Variants in XXYLT1 observed in about 807,000 individuals in gnomAD.
The protein encoded by XXYLT1 is xyloside xylosyltransferase 1, also known as UDP-xylose:alpha-xyloside alpha-1,3-xylosyltransferase.
Under a neutral mutation model 28.9 loss-of-function variants are expected in XXYLT1, and 20 were observed. The ratio of observed to expected loss-of-function variants is 0.69; its 90% CI spans 0.49 to 1.00. The LOEUF (loss-of-function observed/expected upper bound fraction) is 1.00, where lower values mean the gene tolerates loss of function less well. Among genes scored for constraint, XXYLT1 ranks in the 50% least tolerant of loss-of-function variants. The pLI is 0.00. For synonymous variants in XXYLT1, 257 were observed against 253.8 expected, an observed-to-expected ratio of 1.01 and a Z score of -0.12; for missense variants, 542 against 560.1, an observed-to-expected ratio of 0.97 and a Z score of 0.33.
intron 3 of XXYLT1, among the ~76,000 whole-genome samples, chr3:195,155,068 A>G (rs1020221465): frequency 7.9e-5 from 12 of 152,212 alleles, no homozygotes; most frequent in African/African-American, 2.9e-4. Context: ...AGGCCTACCC[A>G]GTGACTCTGG....
intron 3 of XXYLT1, among the ~76,000 whole-genome samples, chr3:195,119,387 G>A (rs946945747): frequency 2.0e-5 from 3 of 151,950 alleles, no homozygotes; most frequent in African/African-American, 7.3e-5. Context: ...TTAGATTGCT[G>A]TATAAATATG....
chr3:195,219,173 T>C (rs111377606), intron 2 of XXYLT1, among the ~76,000 whole-genome samples: 3 of 88,692 alleles, frequency 3.4e-5, no homozygotes, highest in Non-Finnish European at 7.1e-5. Context: ...TGTGGGGTGG[T>C]GGGAGGGGGG....
chr3:195,253,830 T>C, intron 1 of XXYLT1, among the ~76,000 whole-genome samples: 1 of 152,166 alleles, frequency 6.6e-6, no homozygotes, highest in Non-Finnish European at 1.5e-5. Flanking sequence ...CGAAAGCCAC[T>C]CAGTCACTCA....
intron 2 of XXYLT1, among the ~76,000 whole-genome samples, chr3:195,201,776 T>C (rs1172381234): frequency 6.6e-6 from 1 of 152,180 alleles, no homozygotes; most frequent in African/African-American, 2.4e-5. Context: ...ACCTGAGGCC[T>C]AGAAGGTCCC....
chr3:195,217,066 T>C (rs1009883002), intron 2 of XXYLT1, among the ~76,000 whole-genome samples: 25 of 136,402 alleles, frequency 1.8e-4, no homozygotes, highest in Non-Finnish European at 3.0e-4. Context: ...AAAAACCACA[T>C]GATTATCTCA....
At chr3:195,242,827 A>G (rs1287409956) in intron 1 of XXYLT1, among the ~76,000 whole-genome samples, 2 of 152,210 alleles carry the variant, frequency 1.3e-5, no homozygotes, top group Non-Finnish European at 2.9e-5. Flanking sequence ...TGCTACACCC[A>G]GTGACAAGAA....
At chr3:195,200,750 G>A (rs1022967685) in intron 2 of XXYLT1, among the ~76,000 whole-genome samples, 5 of 152,282 alleles carry the variant, frequency 3.3e-5, no homozygotes, top group African/African-American at 1.2e-4. Context: ...TCAGTTACTC[G>A]TTAGTTTAAT....
intron 1 of XXYLT1, among the ~76,000 whole-genome samples, chr3:195,269,895 G>A (rs1016087794): frequency 6.6e-6 from 1 of 152,182 alleles, no homozygotes; most frequent in African/African-American, 2.4e-5. Context: ...AGGCAGACTG[G>A]TCCAGCCTGG....
At chr3:195,170,356 C>A (rs1307827925) in intron 2 of XXYLT1, among the ~76,000 whole-genome samples, 2 of 152,180 alleles carry the variant, frequency 1.3e-5, no homozygotes, top group Admixed American at 6.5e-5. Flanking sequence ...AGTCAATGTG[C>A]ATGAGATTTA....
chr3:195,106,562 C>A (rs2108684121), intron 3 of XXYLT1, among the ~76,000 whole-genome samples: 1 of 152,340 alleles, frequency 6.6e-6, no homozygotes, highest in Non-Finnish European at 1.5e-5. Flanking sequence ...TTCTTAGACC[C>A]GCGTGCAGAT....
At chr3:195,163,127 T>C (rs1363300066) in intron 2 of XXYLT1, among the ~76,000 whole-genome samples, 4 of 152,188 alleles carry the variant, frequency 2.6e-5, no homozygotes, top group Non-Finnish European at 4.4e-5. Context: ...CAGAGACCCC[T>C]GGGGGAGAAG....
intron 3 of XXYLT1, among the ~76,000 whole-genome samples, chr3:195,088,703 A>C (rs1420665070): frequency 1.4e-5 from 2 of 142,054 alleles, no homozygotes; most frequent in Non-Finnish European, 3.1e-5. Flanking sequence ...TGAGAGAAGA[A>C]GGCTTCAGAC....
At chr3:195,084,516 C>T (rs1715615596) in intron 3 of XXYLT1, among the ~76,000 whole-genome samples, 1 of 152,234 alleles carries the variant, frequency 6.6e-6, no homozygotes, top group Admixed American at 6.5e-5. Flanking sequence ...CAGCCTTTCC[C>T]ACCAGCGAGA....
intron 3 of XXYLT1, among the ~76,000 whole-genome samples, chr3:195,112,357 G>A (rs886656370): frequency 9.2e-5 from 14 of 152,266 alleles, no homozygotes; most frequent in South Asian, 4.1e-4. Context: ...GAGGCAACTC[G>A]GGGCAGGGCC....
chr3:195,104,276 GA>G (rs917002277), intron 3 of XXYLT1, among the ~76,000 whole-genome samples: 2 of 151,218 alleles, frequency 1.3e-5, no homozygotes, highest in African/African-American at 4.9e-5. Flanking sequence ...GCCATGAGAG[GA>G]AAACGAGGCT....
At chr3:195,143,957 G>A (rs929761127) in intron 3 of XXYLT1, among the ~76,000 whole-genome samples, 1 of 146,100 alleles carries the variant, frequency 6.8e-6, no homozygotes, top group South Asian at 2.3e-4. Flanking sequence ...GTGCAAGGGC[G>A]AGATCTTGGC....
At position 195,255,541 on chromosome 3, in the gene XXYLT1, A is replaced by G. The variant is rs1404808409; in HGVS notation, c.504+15014T>C. 6.6e-6 allele frequency among the ~76,000 whole-genome samples: 1 copy of G among 152,216 alleles called. No homozygotes were observed. Among genetic ancestry groups the G allele is most frequent in the African/African-American group, 2.4e-5 (1 of 41,456 alleles). On this transcript the variant is annotated intron_variant, in intron 1 of 3. Coordinates refer to ENST00000310380, the MANE Select transcript of XXYLT1 (RefSeq NM_152531.5). This position sits in a 1 kb window ranked among gnomAD's most constrained non-coding sequence, Gnocchi z 4.5. Reference sequence around the variant, plus strand: ...TTTCATTGTCCACAAAACACAGACGACTGCAGGGAGTCACAAGTGGGTGAG... The same window carrying G: ...TTTCATTGTCCACAAAACACAGACGGCTGCAGGGAGTCACAAGTGGGTGAG...
intron 1 of XXYLT1, among the ~76,000 whole-genome samples, chr3:195,266,964 A>G (rs1725867683): frequency 1.3e-5 from 2 of 152,368 alleles, no homozygotes; most frequent in South Asian, 2.1e-4. Context: ...AACAAATAAT[A>G]TGCTTCCCTG....
chr3:195,258,939 C>G (rs1362108420), intron 1 of XXYLT1, among the ~76,000 whole-genome samples: 1 of 152,252 alleles, frequency 6.6e-6, no homozygotes, highest in African/African-American at 2.4e-5. Flanking sequence ...CCAACTGAAT[C>G]AACGGTATCA....
Sources: gnomAD v4.1 joint callset for allele counts (sites outside exome capture counted in the v4.1 genomes callset) on GRCh38, gnomAD v4.1.1 for gene constraint, Gnocchi (gnomAD v3.1) non-coding constraint, MANE v1.5 for transcripts, NCBI Gene and HGNC (gene_info 2026-07-23, HGNC 2026-07-21) for gene names.